The following NPNT variants were observed in gnomAD, a reference collection of about 807,000 sequenced individuals.
The protein encoded by NPNT is nephronectin.
NPNT carries 45 observed loss-of-function variants against 68.6 expected under a neutral mutation model. That is an observed-to-expected ratio of 0.66 (90% CI 0.52 to 0.84). The LOEUF (loss-of-function observed/expected upper bound fraction) is 0.84, where lower values mean the gene tolerates loss of function less well. Ranked by LOEUF, NPNT falls within the 40% of genes least tolerant of loss-of-function variation. The pLI is 0.00. For synonymous variants in NPNT, 233 were observed against 253.3 expected (o/e 0.92, Z 0.76); for missense variants, 672 against 714.8 (o/e 0.94, Z 0.68).
intron 2 of NPNT, among the ~76,000 whole-genome samples, chr4:105,919,481 T>A (rs1452203782): frequency 6.6e-6 from 1 of 152,064 alleles, no homozygotes; most frequent in East Asian, 1.9e-4. Flanking sequence ...CCAATAATGG[T>A]TTTTATGGAT....
chr4:105,937,672 A>G (rs986900779), intron 4 of NPNT, among the ~76,000 whole-genome samples: 3 of 152,166 alleles, frequency 2.0e-5, no homozygotes, highest in Non-Finnish European at 2.9e-5. Context: ...TGATACCAGA[A>G]AAGTAGGATT....
intron 10 of NPNT, among the ~76,000 whole-genome samples, chr4:105,962,849 GTA>G (rs1335065697): frequency 6.9e-6 from 1 of 144,960 alleles, no homozygotes; most frequent in Non-Finnish European, 1.5e-5. Context: ...TGGATGGAGT[GTA>G]TGTGTGTGTG....
intron 8 of NPNT, among the ~76,000 whole-genome samples, chr4:105,958,216 TTTAAG>T (rs1391275698): frequency 7.9e-5 from 12 of 152,346 alleles, no homozygotes; most frequent in African/African-American, 2.9e-4. Context: ...ATAAAGACTT[TTTAAG>T]TTATTTTTGT....
In NPNT at chr4:105,970,633, ACTTC is replaced by A; in HGVS notation, c.*1644_*1647del. ...TCTTGGCAGGGGCCATTGTTAGAAT[ACTTC>A]ATAAAAAAAGAAGTGTGAAAATCTC... On this transcript the variant is annotated 3_prime_UTR_variant, in exon 12 of 12. Transcript: ENST00000379987. The A allele has an allele frequency of 1.6e-6, 1 of 619,378 alleles. No individual in the cohort carries two copies. 38.4% of individuals were successfully genotyped at this position (619,378 alleles called of 1,614,324 possible). A position where few individuals can be genotyped will look rare whatever the true frequency, so the allele number is the denominator to read the frequency against.
intron 2 of NPNT, among the ~76,000 whole-genome samples, chr4:105,904,573 C>T (rs754960137): frequency 3.3e-5 from 5 of 152,194 alleles, no homozygotes; most frequent in Non-Finnish European, 5.9e-5. Flanking sequence ...TGTCCATTTG[C>T]CAGGGTCTCC....
chr4:105,927,430 T>C lies in NPNT; in HGVS notation c.265+2T>C, dbSNP rs758923086. On this transcript the variant is annotated splice_donor_variant, in intron 3 of 11. Coordinates refer to ENST00000379987, the MANE Select transcript of NPNT (RefSeq NM_001033047.3). LOFTEE classifies it high-confidence loss of function. Reference sequence around the variant, plus strand: ...ATGCTGGAAAAACCTGTAATCAAGGTAGGAAAACAGTCTGACATAAATACA... The same window carrying C: ...ATGCTGGAAAAACCTGTAATCAAGGCAGGAAAACAGTCTGACATAAATACA... 6.3e-7 allele frequency: 1 copy of C among 1,586,044 alleles called. No homozygotes were observed. Among genetic ancestry groups the C allele is most frequent in the Non-Finnish European group, 8.7e-7 (1 of 1,155,364 alleles).
rs765597185 is a variant in NPNT, at chr4:105,927,416, A to C, written c.253A>C (p.Thr85Pro). 6.2e-6 allele frequency: 10 copies of C among 1,606,754 alleles called. No homozygotes were observed. The part of the protein sequence containing the change: ...CKCHPGYAGK[T>P]CNQDLNECGL... ...GTGTCATCCTGGTTATGCTGGAAAAACCTGTAATCAAGGTAGGAAAACAGT... is the reference window on the plus strand; with the variant it reads ...GTGTCATCCTGGTTATGCTGGAAAACCCTGTAATCAAGGTAGGAAAACAGT... The change falls in exon 3 of 12, where the codon ACC (threonine) becomes CCC (proline). Residue 85 changes from threonine to proline, a missense_variant. Coordinates refer to ENST00000379987, the MANE Select transcript of NPNT (RefSeq NM_001033047.3).
rs184160429 is a variant in NPNT at position 105,970,781 on chromosome 4, C to G, written c.*1791C>G. The G allele has an allele frequency of 4.2e-4, 148 of 348,286 alleles. 1 individual carries two copies. The highest frequency in any genetic ancestry group is 2.9e-3 in the African/African-American group (137 of 47,160). 21.6% of individuals were successfully genotyped at this position (348,286 alleles called of 1,614,324 possible). On this transcript the variant is annotated 3_prime_UTR_variant, in exon 12 of 12. Transcript: ENST00000379987. Reference sequence around the variant, plus strand: ...GAATTTCCCAAAAGATGTTTTGATCCTACTAGTAGTATGCAGTGAAAATCT... The same window carrying G: ...GAATTTCCCAAAAGATGTTTTGATCGTACTAGTAGTATGCAGTGAAAATCT...
intron 2 of NPNT, among the ~76,000 whole-genome samples, chr4:105,920,730 T>C (rs1728200473): frequency 6.6e-6 from 1 of 152,058 alleles, no homozygotes; most frequent in African/African-American, 2.4e-5. Flanking sequence ...TGTGTCTGAA[T>C]TGGATGTTCC....
In NPNT at chr4:105,970,375, T is replaced by G. The variant is rs1158726228; in HGVS notation, c.*1385T>G. 3.6e-5 allele frequency: 25 copies of G among 697,844 alleles called. No individual in the cohort carries two copies. In the East Asian group the frequency reaches 6.7e-4, roughly 19 times the overall value. The allele number at this position is 697,844 out of a possible 1,614,324, so 43.2% of individuals were successfully genotyped here. On this transcript the variant is annotated 3_prime_UTR_variant, in exon 12 of 12. Coordinates refer to ENST00000379987, the MANE Select transcript of NPNT (RefSeq NM_001033047.3). ...TAAGTAATCAGAATATTTTCTGCTA[T>G]TTTTGCCAGGAATCACAAAGATGAT... is the stretch of plus-strand genomic sequence containing the variant.
intron 2 of NPNT, among the ~76,000 whole-genome samples, chr4:105,898,336 C>G (rs867109774): frequency 8.2e-4 from 92 of 112,088 alleles, no homozygotes; most frequent in South Asian, 1.8e-3. Flanking sequence ...CTGTCTCTCT[C>G]TCTCTCTCTC....
At chr4:105,914,388 A>G (rs1727622632) in intron 2 of NPNT, among the ~76,000 whole-genome samples, 1 of 139,222 alleles carries the variant, frequency 7.2e-6, no homozygotes, top group South Asian at 2.2e-4. Flanking sequence ...TATATAATAT[A>G]TAAAAATAAT....
intron 8 of NPNT, among the ~76,000 whole-genome samples, chr4:105,954,417 TA>T (rs1182853965): frequency 6.6e-6 from 1 of 152,246 alleles, no homozygotes; most frequent in Non-Finnish European, 1.5e-5. Context: ...ATGTTAATTT[TA>T]GTCATAATTC....
chr4:105,909,733 T>C lies in NPNT; in HGVS notation c.172+11732T>C, dbSNP rs75771787. On this transcript the variant is annotated intron_variant, in intron 2 of 11. Transcript: ENST00000379987. ...GAAAAATATAGCATGAAAATTAAGG[T>C]TGGGGTATGGAGAACTTTCTAGAGC... Among the ~76,000 whole-genome samples, 1,400 of 152,144 alleles carry C rather than the reference T, an allele frequency of 9.2e-3. 7 individuals carry two copies. The highest frequency in any genetic ancestry group is 0.015 in the Non-Finnish European group (1,010 of 67,992).
intron 8 of NPNT, among the ~76,000 whole-genome samples, chr4:105,943,854 T>C (rs1730174093): frequency 6.6e-6 from 1 of 152,124 alleles, no homozygotes; most frequent in Admixed American, 6.6e-5. Flanking sequence ...TATTATTCTT[T>C]AAAGGGGAAA....
chr4:105,968,755 G>A (rs1732364498), intron 11 of NPNT, 140 bp from the exon 12 acceptor site: 1 of 568,614 alleles, frequency 1.8e-6, no homozygotes, highest in African/African-American at 1.9e-5. Flanking sequence ...AGTGATACTG[G>A]CAACTATATT....
chr4:105,914,414 TATTATAA>T (rs909373777), intron 2 of NPNT, among the ~76,000 whole-genome samples: 8 of 138,570 alleles, frequency 5.8e-5, no homozygotes, highest in Non-Finnish European at 9.2e-5. Context: ...ATATATTATA[TATTATAA>T]TATATATATT....
At chr4:105,950,442 T>C (rs1730733254) in intron 8 of NPNT, among the ~76,000 whole-genome samples, 1 of 152,056 alleles carries the variant, frequency 6.6e-6, no homozygotes, top group South Asian at 2.1e-4. Flanking sequence ...TTTATCTTTA[T>C]TTATTTATTA....
chr4:105,968,356 G>T (rs1258101207), intron 11 of NPNT, among the ~76,000 whole-genome samples: 1 of 152,188 alleles, frequency 6.6e-6, no homozygotes, highest in Non-Finnish European at 1.5e-5. Flanking sequence ...TTTATAAGGA[G>T]CAAGGATGCT....
Sources: allele counts gnomAD v4.1 joint callset (sites outside exome capture counted in the v4.1 genomes callset), GRCh38; gene constraint gnomAD v4.1.1; transcripts MANE v1.5; gene names NCBI Gene and HGNC (gene_info 2026-07-23, HGNC 2026-07-21).